Variants in CSMD2 observed in about 807,000 individuals in gnomAD.
CSMD2 encodes the protein CUB and Sushi multiple domains 2.
Under a neutral mutation model 398.5 loss-of-function variants are expected in CSMD2, and 130 were observed. The observed-to-expected ratio is 0.33, with a 90% CI of 0.28 to 0.38. CSMD2 has a LOEUF of 0.38. Among genes scored for constraint, CSMD2 ranks in the 10% least tolerant of loss-of-function variants. The pLI is 1.00. For synonymous variants in CSMD2, 1,828 were observed against 1,908.5 expected (o/e 0.96, Z 1.10); for missense variants, 3,829 against 4,764.9 (o/e 0.80, Z 5.78).
intron 3 of CSMD2, among the ~76,000 whole-genome samples, chr1:34,010,682 G>A (rs1351165967): frequency 5.9e-5 from 9 of 151,556 alleles, no homozygotes; most frequent in Admixed American, 1.3e-4. Context: ...GCAGTGGCAC[G>A]ATCTCGGCTC....
At position 33,617,662 on chromosome 1, in the gene CSMD2, G is replaced by A. The variant is rs759325115; in HGVS notation, c.5828-45C>T. ...AAGGAAAGGAGAATGGACTAGCCCA[G>A]CAGGTCAACGTGGCGGTAGGCTGGG... On this transcript the variant is annotated intron_variant, in intron 37 of 70. Coordinates refer to ENST00000373381, the MANE Select transcript of CSMD2 (RefSeq NM_001281956.2). 4.8e-6 allele frequency: 7 copies of A among 1,472,072 alleles called. No individual in the cohort carries two copies. In the South Asian group the frequency reaches 6.8e-5, roughly 14 times the overall value. 91.2% of individuals were successfully genotyped at this position (1,472,072 alleles called of 1,614,324 possible). A position where few individuals can be genotyped will look rare whatever the true frequency, so the allele number is the denominator to read the frequency against.
intron 2 of CSMD2, among the ~76,000 whole-genome samples, chr1:34,056,755 C>A (rs1366776239): frequency 1.3e-5 from 2 of 152,272 alleles, no homozygotes; most frequent in African/African-American, 2.4e-5. Flanking sequence ...TAAAACAAGA[C>A]CTGTGTTAAG....
At chr1:33,756,756 C>A (rs886176288) in intron 13 of CSMD2, among the ~76,000 whole-genome samples, 1 of 152,114 alleles carries the variant, frequency 6.6e-6, no homozygotes, top group Non-Finnish European at 1.5e-5. Flanking sequence ...TCATGAGAGT[C>A]CAGGGATCTA....
intron 56 of CSMD2, among the ~76,000 whole-genome samples, chr1:33,548,938 T>C (rs1038647646): frequency 6.6e-6 from 1 of 152,186 alleles, no homozygotes; most frequent in East Asian, 1.9e-4. Flanking sequence ...ATGGCTCCTA[T>C]ATAGTCCTGC....
At chr1:33,643,596 T>C (rs1263793306) in intron 29 of CSMD2, among the ~76,000 whole-genome samples, 3 of 152,172 alleles carry the variant, frequency 2.0e-5, no homozygotes, top group South Asian at 4.1e-4. Context: ...CCCTTTTTCA[T>C]GGATGAGGAA....
At chr1:33,535,621 T>A (rs1655693526) in intron 62 of CSMD2, among the ~76,000 whole-genome samples, 2 of 152,144 alleles carry the variant, frequency 1.3e-5, no homozygotes, top group South Asian at 4.1e-4. Flanking sequence ...GGTCATAGAG[T>A]GTGTGAATGT....
chr1:33,541,048 C>G, intron 59 of CSMD2, 82 bp downstream of exon 59: 1 of 1,432,186 alleles, frequency 7.0e-7, no homozygotes, highest in Non-Finnish European at 9.7e-7. Context: ...ACCCCTCTCC[C>G]TTCTAGAGAG....
At position 33,709,082 on chromosome 1, in the gene CSMD2, A is replaced by G. The variant is rs777861857; in HGVS notation, c.3576+7T>C. The stretch of plus-strand genomic sequence containing the variant: ...AACACACATACTCTGAAATCGATCA[A>G]TTTTACCTTGAGGACATCTCCTTCG... On this transcript the variant is annotated splice_region_variant and intron_variant, in intron 22 of 70. Coordinates refer to ENST00000373381, the MANE Select transcript of CSMD2 (RefSeq NM_001281956.2). The G allele has an allele frequency of 5.6e-6, 9 of 1,608,476 alleles. No individual in the cohort carries two copies. The highest frequency in any genetic ancestry group is 2.7e-5 in the African/African-American group (2 of 74,754).
chr1:33,859,010 C>T (rs1294449724), intron 5 of CSMD2, among the ~76,000 whole-genome samples: 1 of 152,216 alleles, frequency 6.6e-6, no homozygotes, highest in African/African-American at 2.4e-5. Flanking sequence ...TGGTATAAAA[C>T]TTTCACCCTC....
At chr1:34,133,204 C>G (rs1638325930) in intron 1 of CSMD2, among the ~76,000 whole-genome samples, 1 of 152,370 alleles carries the variant, frequency 6.6e-6, no homozygotes, top group South Asian at 2.1e-4. Context: ...GTCCACTAGA[C>G]TGCCAGTTCC....
At position 34,048,823 on chromosome 1, in the gene CSMD2, G is replaced by T. The variant is rs113467961; in HGVS notation, c.405-16117C>A. On this transcript the variant is annotated intron_variant, in intron 2 of 70. Coordinates refer to ENST00000373381, the MANE Select transcript of CSMD2 (RefSeq NM_001281956.2). ...GCTGCTGCATAGCCACCACCAGAAG[G>T]TGTTGGCCATGAAGTGGGAGAATAT... Among the ~76,000 whole-genome samples the T allele has an allele frequency of 1.8e-4, 27 of 152,318 alleles. 1 individual carries two copies. Among genetic ancestry groups the T allele is most frequent in the African/African-American group, 6.0e-4 (25 of 41,566 alleles).
intron 5 of CSMD2, among the ~76,000 whole-genome samples, chr1:33,889,059 T>C (rs771549818): frequency 5.3e-5 from 8 of 152,104 alleles, no homozygotes; most frequent in Admixed American, 1.3e-4. Context: ...CGTGAGCCAC[T>C]GCGCCCGGCC....
At chr1:33,792,256 T>C (rs1201262965) in intron 11 of CSMD2, among the ~76,000 whole-genome samples, 167 bp downstream of exon 11, 1 of 152,138 alleles carries the variant, frequency 6.6e-6, no homozygotes, top group East Asian at 1.9e-4. Flanking sequence ...CTTTTCCCCT[T>C]GGTCAGAGTA....
chr1:33,679,665 A>C (rs548823852), intron 25 of CSMD2, among the ~76,000 whole-genome samples: 87 of 152,324 alleles, frequency 5.7e-4, no homozygotes, highest in Middle Eastern at 3.4e-3. Context: ...ATAATCATCA[A>C]ATGGTAAAAT....
chr1:34,090,870 C>T (rs1404415357), intron 1 of CSMD2, among the ~76,000 whole-genome samples: 1 of 152,228 alleles, frequency 6.6e-6, no homozygotes, highest in Non-Finnish European at 1.5e-5. Context: ...AGGCTTTCCA[C>T]ATGGCCTGGC....
intron 32 of CSMD2, among the ~76,000 whole-genome samples, chr1:33,629,178 C>CA (rs1642316459): frequency 6.6e-6 from 1 of 151,936 alleles, no homozygotes. Flanking sequence ...AAACAAAATG[C>CA]AAATGCAAAT....
chr1:33,971,603 C>G (rs1173853523), intron 3 of CSMD2, among the ~76,000 whole-genome samples: 1 of 152,236 alleles, frequency 6.6e-6, no homozygotes, highest in South Asian at 2.1e-4. Flanking sequence ...CGTGAAAGGA[C>G]AGAGCTGGGT....
At chr1:33,836,211 C>T (rs1476789191) in intron 6 of CSMD2, among the ~76,000 whole-genome samples, 1 of 152,292 alleles carries the variant, frequency 6.6e-6, no homozygotes, top group South Asian at 2.1e-4. Context: ...GCTGCCTGAT[C>T]GTTCGTCTGG....
chr1:33,705,798 G>A (rs927976578), intron 22 of CSMD2, among the ~76,000 whole-genome samples: 4 of 151,382 alleles, frequency 2.6e-5, no homozygotes, highest in Non-Finnish European at 4.4e-5. Context: ...GTGCAGTGGC[G>A]TGATCCCTAA....
Sources: allele counts gnomAD v4.1 joint callset (sites outside exome capture counted in the v4.1 genomes callset), GRCh38; gene constraint gnomAD v4.1.1; transcripts MANE v1.5; gene names NCBI Gene and HGNC (gene_info 2026-07-23, HGNC 2026-07-21).